Variants in CFAP299 observed in about 807,000 individuals in gnomAD.
The protein encoded by CFAP299 is cilia- and flagella-associated protein 299.
CFAP299 carries 21 observed loss-of-function variants against 27.0 expected under a neutral mutation model. That is an observed-to-expected ratio of 0.78 (90% confidence interval 0.55 to 1.12). The LOEUF is 1.12. Ranked by LOEUF, CFAP299 falls within the 50% of genes most tolerant of loss-of-function variation. CFAP299 has a pLI of 0.00. For missense variants in CFAP299, 310 were observed against 276.6 expected (o/e 1.12, Z -0.86); for synonymous variants, 104 against 98.1 (o/e 1.06, Z -0.36).
intron 3 of CFAP299, among the ~76,000 whole-genome samples, chr4:80,837,226 T>G (rs1331475982): frequency 6.6e-6 from 1 of 152,144 alleles, no homozygotes; most frequent in African/African-American, 2.4e-5. Flanking sequence ...GTAATTCTTC[T>G]TATAGTTCAT....
chr4:80,869,970 T>C (rs1394696373), intron 3 of CFAP299, 23 bp from the exon 4 acceptor site: 1 of 1,579,004 alleles, frequency 6.3e-7, no homozygotes, highest in East Asian at 2.3e-5. Context: ...ATTTTTGTCT[T>C]ATTCTCTATT....
chr4:80,755,125 A>T (rs1018719207), intron 3 of CFAP299, among the ~76,000 whole-genome samples: 1 of 152,130 alleles, frequency 6.6e-6, no homozygotes, highest in African/African-American at 2.4e-5. Flanking sequence ...CAAAGAGGGA[A>T]GTGGTGGATA....
intron 1 of CFAP299, among the ~76,000 whole-genome samples, chr4:80,356,108 GT>G (rs36082083): frequency 0.84 from 124,591 of 148,684 alleles, 52,262 homozygotes; most frequent in African/African-American, 0.91. Flanking sequence ...TTTCCCCATT[GT>G]TTTTTTTTTT....
At chr4:80,402,592 G>T (rs1052689737) in intron 2 of CFAP299, among the ~76,000 whole-genome samples, 13 of 152,204 alleles carry the variant, frequency 8.5e-5, no homozygotes, top group Non-Finnish European at 1.5e-4. Flanking sequence ...CCAGTCTTGG[G>T]TATGTCTTTA....
chr4:80,868,909 G>C (rs1027297), intron 3 of CFAP299, among the ~76,000 whole-genome samples: 5,675 of 102,964 alleles, frequency 0.055, 149 homozygotes, highest in Middle Eastern at 0.11. Flanking sequence ...CTCTCTCTGT[G>C]TGTGTGTGTG....
At chr4:80,822,918 T>C (rs959544853) in intron 3 of CFAP299, among the ~76,000 whole-genome samples, 1 of 152,222 alleles carries the variant, frequency 6.6e-6, no homozygotes, top group African/African-American at 2.4e-5. Context: ...CTCTTTTTTT[T>C]TCTTGTTACC....
chr4:80,336,043 C>T (rs553230132), intron 1 of CFAP299, among the ~76,000 whole-genome samples, 164 bp downstream of exon 1: 1 of 152,302 alleles, frequency 6.6e-6, no homozygotes, highest in African/African-American at 2.4e-5. Flanking sequence ...TGAATTGCCG[C>T]GTCCTTACCG....
chr4:80,598,516 T>A (rs1443690695), intron 3 of CFAP299, among the ~76,000 whole-genome samples: 1 of 152,222 alleles, frequency 6.6e-6, no homozygotes, highest in Non-Finnish European at 1.5e-5. Flanking sequence ...GCAATTAACA[T>A]GTTTTCTTGA....
intron 2 of CFAP299, among the ~76,000 whole-genome samples, chr4:80,364,019 G>A (rs968749271): frequency 4.7e-5 from 7 of 149,516 alleles, no homozygotes; most frequent in South Asian, 2.1e-4. Flanking sequence ...CCCGGGAGGC[G>A]GAGCTTGCAG....
At chr4:80,475,332 T>C (rs904980686) in intron 2 of CFAP299, among the ~76,000 whole-genome samples, 11 of 152,124 alleles carry the variant, frequency 7.2e-5, no homozygotes, top group African/African-American at 2.7e-4. Context: ...CCGGATACTG[T>C]AGTACCCAGG....
rs1295991107 is a variant in CFAP299 at position 80,554,508 on chromosome 4, T to TG, written c.243-28585_243-28584insG. Among the ~76,000 whole-genome samples the TG allele has an allele frequency of 6.0e-3, 785 of 130,510 alleles. 5 individuals are homozygous for TG. Among genetic ancestry groups the TG allele is most frequent in the African/African-American group, 0.021 (731 of 35,562 alleles). The allele number at this position is 130,510 out of a possible 152,430, so 85.6% of individuals were successfully genotyped here. ...AGTCTATATACGTTTTCCACTAGTT[T>TG]TTTTTTTTTTTTTTTTGTCATGTGA... is the stretch of plus-strand genomic sequence containing the variant. On this transcript the variant is annotated intron_variant, in intron 2 of 5. Coordinates refer to ENST00000358105, the MANE Select transcript of CFAP299 (RefSeq NM_152770.3).
intron 2 of CFAP299, among the ~76,000 whole-genome samples, chr4:80,571,696 G>A (rs1167358587): frequency 6.6e-6 from 1 of 151,822 alleles, no homozygotes; most frequent in Non-Finnish European, 1.5e-5. Flanking sequence ...CATCATAAGG[G>A]TTGGGCCCTC....
chr4:80,880,148 G>T (rs10028779), intron 4 of CFAP299, among the ~76,000 whole-genome samples: 5 of 151,764 alleles, frequency 3.3e-5, no homozygotes, highest in South Asian at 4.1e-4. Flanking sequence ...GGGAGAAAGG[G>T]GGGGAGAGAA....
At chr4:80,499,829 A>G (rs1449594339) in intron 2 of CFAP299, among the ~76,000 whole-genome samples, 2 of 152,116 alleles carry the variant, frequency 1.3e-5, no homozygotes, top group African/African-American at 4.8e-5. Flanking sequence ...GAAATACTCT[A>G]AAGTACGGTA....
chr4:80,714,505 A>G (rs1338657525), intron 3 of CFAP299, among the ~76,000 whole-genome samples: 1 of 152,102 alleles, frequency 6.6e-6, no homozygotes, highest in African/African-American at 2.4e-5. Flanking sequence ...TATCCATTAT[A>G]GCTCCATGAA....
intron 4 of CFAP299, among the ~76,000 whole-genome samples, chr4:80,890,430 A>G (rs1281678788): frequency 1.3e-5 from 2 of 152,234 alleles, no homozygotes; most frequent in Non-Finnish European, 2.9e-5. Flanking sequence ...AATAAATGAA[A>G]CATCTATACA....
the CFAP299 span, among the ~76,000 whole-genome samples, chr4:80,321,769 C>T: frequency 6.6e-6 from 1 of 152,178 alleles, no homozygotes; most frequent in African/African-American, 2.4e-5. Context: ...CTTCCTGTCT[C>T]CACACCCACC....
chr4:80,594,500 G>T (rs1398183875), intron 3 of CFAP299, among the ~76,000 whole-genome samples: 1 of 152,104 alleles, frequency 6.6e-6, no homozygotes, highest in East Asian at 1.9e-4. Context: ...CATATCATTA[G>T]TTTTTTATTT....
At chr4:80,941,262 G>A (rs1737181835) in intron 4 of CFAP299, among the ~76,000 whole-genome samples, 1 of 151,962 alleles carries the variant, frequency 6.6e-6, no homozygotes, top group Non-Finnish European at 1.5e-5. Flanking sequence ...TTTCATATCT[G>A]TGGAATACAA....
Sources: gnomAD v4.1 joint callset for allele counts (sites outside exome capture counted in the v4.1 genomes callset) on GRCh38, gnomAD v4.1.1 for gene constraint, MANE v1.5 for transcripts, NCBI Gene and HGNC (gene_info 2026-07-23, HGNC 2026-07-21) for gene names.